The following CADM2 variants were observed in gnomAD, a reference collection of about 807,000 sequenced individuals.
CADM2 encodes the protein immunoglobulin superfamily member 4D.
CADM2 carries 12 observed loss-of-function variants against 49.8 expected under a neutral mutation model. The ratio of observed to expected loss-of-function variants is 0.24; its 90% confidence interval spans 0.15 to 0.39. The LOEUF (loss-of-function observed/expected upper bound fraction) is 0.39, where lower values mean the gene tolerates loss of function less well. Ranked by LOEUF, CADM2 falls within the 10% of genes least tolerant of loss-of-function variation. The pLI is 1.00. For synonymous variants in CADM2, 214 were observed against 175.4 expected, an observed-to-expected ratio of 1.22 and a Z score of -1.74; for missense variants, 378 against 492.3, an observed-to-expected ratio of 0.77 and a Z score of 2.20.
At chr3:85,631,902 G>C (rs1184519718) in intron 1 of CADM2, among the ~76,000 whole-genome samples, 1 of 151,986 alleles carries the variant, frequency 6.6e-6, no homozygotes, top group African/African-American at 2.4e-5. Flanking sequence ...CAATTTCTAG[G>C]TTTTTAGAAA....
chr3:85,276,378 C>T (rs907430107), intron 1 of CADM2, among the ~76,000 whole-genome samples: 1 of 151,178 alleles, frequency 6.6e-6, no homozygotes, highest in Non-Finnish European at 1.5e-5. Context: ...TTTAAAAATC[C>T]TTTGGATCAA....
At chr3:85,545,798 GA>G (rs2061657184) in intron 1 of CADM2, among the ~76,000 whole-genome samples, 1 of 152,062 alleles carries the variant, frequency 6.6e-6, no homozygotes, top group South Asian at 2.1e-4. Flanking sequence ...ACCTTCTAGG[GA>G]AAAAAGTAAA....
Position 84,959,161 on chromosome 3 carries a change from G to A in CADM2, c.-447G>A. The A allele has an allele frequency of 5.1e-6, 1 of 197,570 alleles. No homozygotes were observed. The allele number at this position is 197,570 out of a possible 1,614,324, so 12.2% of individuals were successfully genotyped here. A position where few individuals can be genotyped will look rare whatever the true frequency, so the allele number is the denominator to read the frequency against. ...AGACACCCCGGGCGCGAGCGGCAGT[G>A]CTGCTTGCTTGCTCCTCCTCTCCCC... is the stretch of plus-strand genomic sequence containing the variant. On this transcript the variant is annotated 5_prime_UTR_variant, in exon 1 of 10. Coordinates refer to ENST00000383699, the MANE Select transcript of CADM2 (RefSeq NM_001167675.2).
At chr3:85,696,795 G>A (rs1041432782) in intron 1 of CADM2, among the ~76,000 whole-genome samples, 6 of 151,836 alleles carry the variant, frequency 4.0e-5, no homozygotes, top group Non-Finnish European at 7.4e-5. Flanking sequence ...ACAACATTTT[G>A]TGTCTGTTAG....
intron 1 of CADM2, among the ~76,000 whole-genome samples, chr3:84,974,754 CAA>C (rs1419252797): frequency 6.6e-6 from 1 of 151,894 alleles, no homozygotes; most frequent in Non-Finnish European, 1.5e-5. Flanking sequence ...TCCTAAGAAG[CAA>C]GATATATCAC....
At position 85,338,271 on chromosome 3, in the gene CADM2, CA is replaced by C. The variant is rs1215493103; in HGVS notation, c.61+378610del. On this transcript the variant is annotated intron_variant, in intron 1 of 9. Transcript: ENST00000383699. ...GGCAGAGTCTAGTGCTCAATACACA[CA>C]AAAAAATTTATTAGATACATGTCAA... Among the ~76,000 whole-genome samples the C allele has an allele frequency of 2.6e-5, 4 of 151,636 alleles. No homozygotes were observed. The East Asian group carries it at 7.8e-4, about 29-fold the overall frequency.
chr3:86,060,226 A>AG lies in CADM2; in HGVS notation c.971-5379_971-5378insG, dbSNP rs1464969463. ...AACAGATCAAATCGTTTTAATGTCA[A>AG]AAAAAAAAGGAAAGAGAAAATGGCC... On this transcript the variant is annotated intron_variant, in intron 8 of 9. Transcript: ENST00000383699. Among the ~76,000 whole-genome samples, 6 of 150,678 alleles carry AG rather than the reference A, an allele frequency of 4.0e-5. No individual in the cohort carries two copies. In the East Asian group the frequency reaches 1.2e-3, roughly 29 times the overall value.
chr3:85,861,866 A>G (rs926687038), intron 3 of CADM2, among the ~76,000 whole-genome samples: 3 of 152,006 alleles, frequency 2.0e-5, no homozygotes, highest in Admixed American at 6.6e-5. Context: ...TAATAATATC[A>G]TAAATTAATA....
intron 2 of CADM2, among the ~76,000 whole-genome samples, chr3:85,766,815 T>C (rs2069679293): frequency 6.6e-6 from 1 of 152,184 alleles, no homozygotes; most frequent in Non-Finnish European, 1.5e-5. Context: ...CAGGCCATGC[T>C]AGCAATATGT....
intron 1 of CADM2, among the ~76,000 whole-genome samples, chr3:85,148,109 T>A (rs981007586): frequency 6.6e-5 from 10 of 152,228 alleles, no homozygotes; most frequent in African/African-American, 2.4e-4. Context: ...GCAGGTCATT[T>A]AATGAATATC....
chr3:85,375,550 G>T (rs1273532043), intron 1 of CADM2, among the ~76,000 whole-genome samples: 2 of 152,150 alleles, frequency 1.3e-5, no homozygotes, highest in African/African-American at 4.8e-5. Context: ...AGCTGTTCCT[G>T]CTCAGTTTGT....
At chr3:85,755,471 T>C (rs2069069377) in intron 2 of CADM2, among the ~76,000 whole-genome samples, 1 of 152,256 alleles carries the variant, frequency 6.6e-6, no homozygotes, top group East Asian at 1.9e-4. Flanking sequence ...CCCAACCTCA[T>C]TGTTCAAGTT....
At chr3:85,392,853 T>A (rs1461822217) in intron 1 of CADM2, among the ~76,000 whole-genome samples, 1 of 152,148 alleles carries the variant, frequency 6.6e-6, no homozygotes, top group Non-Finnish European at 1.5e-5. Flanking sequence ...TTTGTAATGA[T>A]ATTTTTCTCA....
chr3:85,365,489 A>G (rs2032705789), intron 1 of CADM2, among the ~76,000 whole-genome samples: 4 of 152,162 alleles, frequency 2.6e-5, no homozygotes, highest in Admixed American at 2.6e-4. Flanking sequence ...TGTTAGTAAT[A>G]GCCTTGGTTG....
chr3:85,333,139 T>A lies in CADM2; in HGVS notation c.61+373471T>A, dbSNP rs150103286. 2.6e-3 allele frequency among the ~76,000 whole-genome samples: 391 copies of A among 151,926 alleles called. 1 individual carries two copies. The highest frequency in any genetic ancestry group is 9.1e-3 in the African/African-American group (378 of 41,558). On this transcript the variant is annotated intron_variant, in intron 1 of 9. Transcript: ENST00000383699. ...TTTAATCTTTGCATTGTACACAGAA[T>A]AGTGTCTTACAGTAGAAAGAACTCA...
chr3:85,633,637 GT>G (rs982840756), intron 1 of CADM2, among the ~76,000 whole-genome samples: 24 of 151,966 alleles, frequency 1.6e-4, no homozygotes, highest in African/African-American at 5.8e-4. Flanking sequence ...ACTAATACAT[GT>G]AATCCTGTTT....
intron 1 of CADM2, among the ~76,000 whole-genome samples, chr3:85,016,215 C>T (rs1384913802): frequency 1.3e-5 from 2 of 151,964 alleles, no homozygotes; most frequent in African/African-American, 4.8e-5. Context: ...TGGCATAACC[C>T]AGGATTCACA....
intron 1 of CADM2, among the ~76,000 whole-genome samples, chr3:85,263,594 A>G (rs1445365107): frequency 1.3e-5 from 2 of 152,146 alleles, no homozygotes; most frequent in Admixed American, 6.6e-5. Context: ...CCATGACTCC[A>G]GTGCCAGTGC....
At chr3:85,860,963 A>C (rs770560429) in intron 3 of CADM2, among the ~76,000 whole-genome samples, 1 of 152,200 alleles carries the variant, frequency 6.6e-6, no homozygotes, top group Non-Finnish European at 1.5e-5. Context: ...TGTCTGAAGC[A>C]GAGTGAGCTA....
Sources: allele counts gnomAD v4.1 joint callset (sites outside exome capture counted in the v4.1 genomes callset), GRCh38; gene constraint gnomAD v4.1.1; transcripts MANE v1.5; gene names NCBI Gene and HGNC (gene_info 2026-07-23, HGNC 2026-07-21).